PYHIN1: variants seen among roughly 807,000 people sequenced by gnomAD.
The protein encoded by PYHIN1 is pyrin and HIN domain-containing protein 1.
A neutral mutation model predicts 43.7 loss-of-function variants in PYHIN1; 32 were observed. The ratio of observed to expected loss-of-function variants is 0.73; its 90% confidence interval spans 0.55 to 0.98. PYHIN1 has a LOEUF of 0.98. PYHIN1 is among the 50% of genes least tolerant of loss of function. PYHIN1 has a pLI of 0.00. For missense variants in PYHIN1, 588 were observed against 589.5 expected, an observed-to-expected ratio of 1.00 and a Z score of 0.03; for synonymous variants, 205 against 203.1, an observed-to-expected ratio of 1.01 and a Z score of -0.08.
At chr1:158,972,097 T>C (rs925882019) in intron 7 of PYHIN1, among the ~76,000 whole-genome samples, 4 of 152,044 alleles carry the variant, frequency 2.6e-5, no homozygotes, top group African/African-American at 7.2e-5. Flanking sequence ...GATCTTTTCT[T>C]CAGAACACAG....
intron 1 of PYHIN1, among the ~76,000 whole-genome samples, chr1:158,934,392 G>A (rs1220989475): frequency 4.6e-5 from 7 of 151,948 alleles, no homozygotes; most frequent in Non-Finnish European, 7.4e-5. Context: ...AATTTATATG[G>A]GACTTTGGGC....
At chr1:158,935,128 A>G (rs1648443340) in intron 1 of PYHIN1, among the ~76,000 whole-genome samples, 1 of 152,144 alleles carries the variant, frequency 6.6e-6, no homozygotes, top group African/African-American at 2.4e-5. Context: ...AATTTCTAGA[A>G]GACAAACTCT....
intron 7 of PYHIN1, among the ~76,000 whole-genome samples, chr1:158,954,469 T>G (rs1439497969): frequency 7.0e-6 from 1 of 142,900 alleles, no homozygotes; most frequent in African/African-American, 2.6e-5. Flanking sequence ...AGAAAAGAAT[T>G]TTCAACCCAG....
intron 7 of PYHIN1, among the ~76,000 whole-genome samples, chr1:158,953,747 T>A (rs1440428770): frequency 6.6e-6 from 1 of 152,194 alleles, no homozygotes; most frequent in Non-Finnish European, 1.5e-5. Flanking sequence ...CAAAGCTGGA[T>A]GGAGAATGAC....
In PYHIN1 at chr1:158,946,514, T is replaced by C. The variant is rs141378228; in HGVS notation, c.1359+1472T>C. On this transcript the variant is annotated intron_variant, in intron 7 of 8. Coordinates refer to ENST00000368140, the MANE Select transcript of PYHIN1 (RefSeq NM_152501.5). ...AACAGCAGAATTCTGCATCTGGAAT[T>C]GTGGATTTGAAAGAATCCTTCTAGC... Among the ~76,000 whole-genome samples, 366 of 152,230 alleles carry C rather than the reference T, an allele frequency of 2.4e-3. 2 individuals are homozygous for C. Among genetic ancestry groups the C allele is most frequent in the Admixed American group, 4.3e-3 (65 of 15,284 alleles).
Position 158,931,661 on chromosome 1 carries a change from T to A in PYHIN1, c.-136T>A, listed in dbSNP as rs1256013025. The A allele has an allele frequency of 6.6e-6, 1 of 152,242 alleles. No individual in the cohort carries two copies. Among genetic ancestry groups the A allele is most frequent in the Non-Finnish European group, 1.5e-5 (1 of 68,038 alleles). 9.4% of individuals were successfully genotyped at this position (152,242 alleles called of 1,614,324 possible). A position where few individuals can be genotyped will look rare whatever the true frequency, so the allele number is the denominator to read the frequency against. ...AGCATTTCAGGAGATTATAACATCC[T>A]GTATTTCAGTTTCTGAGAGCTTTAC... On this transcript the variant is annotated 5_prime_UTR_variant, in exon 1 of 9. Coordinates refer to ENST00000368140, the MANE Select transcript of PYHIN1 (RefSeq NM_152501.5).
At chr1:158,950,065 G>A (rs1220007499) in intron 7 of PYHIN1, among the ~76,000 whole-genome samples, 2 of 152,192 alleles carry the variant, frequency 1.3e-5, no homozygotes, top group Non-Finnish European at 2.9e-5. Context: ...CCCATTGGGT[G>A]TAAATCTAAC....
intron 3 of PYHIN1, 104 bp from the exon 4 acceptor site, chr1:158,938,976 A>G (rs1648729791): frequency 2.2e-6 from 2 of 917,252 alleles, no homozygotes; most frequent in Non-Finnish European, 1.5e-6. Flanking sequence ...TAAGTTTCCA[A>G]GAAAAACAAT....
At chr1:158,983,156 C>T in the PYHIN1 span, among the ~76,000 whole-genome samples, 1 of 151,838 alleles carries the variant, frequency 6.6e-6, no homozygotes, top group Non-Finnish European at 1.5e-5. Flanking sequence ...CCTGACTGCT[C>T]TGGCTAGAAC....
intron 7 of PYHIN1, among the ~76,000 whole-genome samples, chr1:158,948,489 T>C (rs1415933125): frequency 6.6e-6 from 1 of 152,198 alleles, no homozygotes; most frequent in African/African-American, 2.4e-5. Context: ...TCATTGCTGT[T>C]GGAATGCCAG....
chr1:158,936,617 G>A (rs1199344637), intron 1 of PYHIN1, among the ~76,000 whole-genome samples: 4 of 152,036 alleles, frequency 2.6e-5, no homozygotes, highest in African/African-American at 9.7e-5. Context: ...CTCAATAGAT[G>A]CAGAAAAGGC....
At position 158,943,851 on chromosome 1, in the gene PYHIN1, T is replaced by C; in HGVS notation, c.1064T>C (p.Val355Ala). The C allele has an allele frequency of 1.2e-6, 2 of 1,610,624 alleles. No homozygotes were observed. Among genetic ancestry groups the C allele is most frequent in the Non-Finnish European group, 1.7e-6 (2 of 1,177,574 alleles). ...CAGGATAAAACAGGAAGTATGGCTG[T>C]AGTAGGAAAAGGAGAATGCCACAAT... is the stretch of plus-strand genomic sequence containing the variant. ...EIQDKTGSMAVVGKGECHNIP... is the reference protein window; with the variant it reads ...EIQDKTGSMAAVGKGECHNIP... Residue 355 changes from valine (V) to alanine (A), a missense_variant, in exon 6 of 9, where the codon GTA (valine) becomes GCA (alanine). By Grantham distance (64) the Val-to-Ala change is moderately conservative. Transcript: ENST00000368140.
intron 7 of PYHIN1, among the ~76,000 whole-genome samples, chr1:158,968,946 A>G (rs1043771007): frequency 1.3e-5 from 2 of 151,988 alleles, no homozygotes; most frequent in African/African-American, 4.8e-5. Flanking sequence ...CTTAGTGGGT[A>G]TCAAGCTTAA....
At chr1:158,989,352 G>A in the PYHIN1 span, among the ~76,000 whole-genome samples, 2 of 152,160 alleles carry the variant, frequency 1.3e-5, no homozygotes, top group African/African-American at 2.4e-5. Flanking sequence ...AAGGTCAAGA[G>A]CGGACTTCTG....
chr1:158,973,629 C>G lies in PYHIN1; in HGVS notation c.1360-18C>G. The G allele has an allele frequency of 1.2e-6, 2 of 1,610,668 alleles. No individual in the cohort carries two copies. Among genetic ancestry groups the G allele is most frequent in the Non-Finnish European group, 1.7e-6 (2 of 1,178,524 alleles). ...GTCATAAAGTGAAAGACTAAATTACCCAAATTTATGACTCCAGAAGGATGA... is the reference window on the plus strand; with the variant it reads ...GTCATAAAGTGAAAGACTAAATTACGCAAATTTATGACTCCAGAAGGATGA... On this transcript the variant is annotated intron_variant, in intron 7 of 8. Coordinates refer to ENST00000368140, the MANE Select transcript of PYHIN1 (RefSeq NM_152501.5).
chr1:158,973,123 T>G (rs1651031415), intron 7 of PYHIN1, among the ~76,000 whole-genome samples: 1 of 151,408 alleles, frequency 6.6e-6, no homozygotes, highest in African/African-American at 2.4e-5. Flanking sequence ...ATCTAGTTTT[T>G]CACCCAGGCC....
chr1:158,949,654 T>C (rs1035938483), intron 7 of PYHIN1, among the ~76,000 whole-genome samples: 3 of 151,746 alleles, frequency 2.0e-5, no homozygotes, highest in Non-Finnish European at 4.4e-5. Context: ...GTTCTTGCGA[T>C]AGTTTACTGA....
chr1:158,963,593 C>G (rs1170484130), intron 7 of PYHIN1, among the ~76,000 whole-genome samples: 2 of 152,180 alleles, frequency 1.3e-5, no homozygotes, highest in African/African-American at 4.8e-5. Context: ...TATGGCAGAG[C>G]AAGAGCCTAC....
intron 4 of PYHIN1, among the ~76,000 whole-genome samples, chr1:158,940,864 C>A (rs112452017): frequency 6.6e-5 from 10 of 152,300 alleles, no homozygotes; most frequent in Non-Finnish European, 1.0e-4. Flanking sequence ...TATGTATACA[C>A]ATATTTTTTC....
Sources: gnomAD v4.1 joint callset for allele counts (sites outside exome capture counted in the v4.1 genomes callset) on GRCh38, gnomAD v4.1.1 for gene constraint, MANE v1.5 for transcripts, NCBI Gene and HGNC (gene_info 2026-07-23, HGNC 2026-07-21) for gene names.